Variants in CHD9 observed in about 807,000 individuals in gnomAD.
CHD9 encodes the protein chromodomain helicase DNA binding protein 9, also known as ATP-dependent chromatin remodeler CHD9.
A neutral mutation model predicts 316.1 loss-of-function variants in CHD9; 77 were observed. The observed-to-expected ratio is 0.24, with a 90% CI of 0.20 to 0.29. CHD9 has a LOEUF of 0.29. CHD9 is among the 10% of genes least tolerant of loss of function. The pLI is 1.00. For missense variants in CHD9, 2,763 were observed against 3,438.1 expected (o/e 0.80, Z 4.91); for synonymous variants, 1,129 against 1,158.3 (o/e 0.97, Z 0.51).
At chr16:53,132,793 CTTTTTTTT>C (rs748626858) in intron 1 of CHD9, among the ~76,000 whole-genome samples, 1 of 68,478 alleles carries the variant, frequency 1.5e-5, no homozygotes, top group Non-Finnish European at 3.0e-5. Context: ...TCTAATTCTG[CTTTTTTTT>C]TTTTTTTTTT....
intron 24 of CHD9, among the ~76,000 whole-genome samples, chr16:53,281,213 C>G (rs2053383352): frequency 6.6e-6 from 1 of 152,170 alleles, no homozygotes; most frequent in Non-Finnish European, 1.5e-5. Flanking sequence ...CCCAACATTT[C>G]CACTTAAATG....
At chr16:53,107,459 C>CAAAATAAAATAAAAT (rs56705665) in intron 1 of CHD9, among the ~76,000 whole-genome samples, 2,614 of 129,786 alleles carry the variant, frequency 0.02, 82 homozygotes, top group African/African-American at 0.066. Flanking sequence ...CACTCCATCT[C>CAAAATAAAATAAAAT]AAAATAAAAT....
intron 2 of CHD9, among the ~76,000 whole-genome samples, chr16:53,206,035 C>T (rs973296949): frequency 2.0e-5 from 3 of 152,034 alleles, no homozygotes; most frequent in Non-Finnish European, 4.4e-5. Context: ...TCACCACAAC[C>T]TCCGCCTCCC....
At chr16:53,232,767 T>A (rs2048288905) in intron 10 of CHD9, among the ~76,000 whole-genome samples, 1 of 151,264 alleles carries the variant, frequency 6.6e-6, no homozygotes, top group Non-Finnish European at 1.5e-5. Context: ...ATTTTAATGT[T>A]CATTGGCTAT....
intron 3 of CHD9, among the ~76,000 whole-genome samples, chr16:53,217,452 C>A (rs1311767874): frequency 6.6e-6 from 1 of 152,114 alleles, no homozygotes; most frequent in Non-Finnish European, 1.5e-5. Context: ...TGGGGTTTCG[C>A]CATGTTGGCC....
intron 15 of CHD9, among the ~76,000 whole-genome samples, chr16:53,246,659 C>T (rs2049650533): frequency 6.6e-6 from 1 of 151,942 alleles, no homozygotes; most frequent in Non-Finnish European, 1.5e-5. Flanking sequence ...TAGAACTAGG[C>T]ATATGCACCA....
chr16:53,079,714 A>G (rs2034853787), intron 1 of CHD9, among the ~76,000 whole-genome samples: 1 of 152,062 alleles, frequency 6.6e-6, no homozygotes, highest in Non-Finnish European at 1.5e-5. Flanking sequence ...TGGGGGTGCA[A>G]TGCTGGAGAC....
At position 53,291,595 on chromosome 16, in the gene CHD9, T is replaced by C. The variant is rs537725770; in HGVS notation, c.5248-130T>C. On this transcript the variant is annotated intron_variant, in intron 27 of 38. Coordinates refer to ENST00000447540, the MANE Select transcript of CHD9 (RefSeq NM_001308319.2). ...AAGCAGTTGAAAGTTTTATTTTTGC[T>C]AAATTAATTATTTAACATTCCATTG... 6.8e-6 allele frequency: 4 copies of C among 586,278 alleles called. No individual in the cohort carries two copies. The South Asian group carries it at 7.6e-5, about 11-fold the overall frequency. The allele number at this position is 586,278 out of a possible 1,614,324, so 36.3% of individuals were successfully genotyped here.
chr16:53,148,990 T>C (rs1209804190), intron 1 of CHD9, among the ~76,000 whole-genome samples: 1 of 152,256 alleles, frequency 6.6e-6, no homozygotes, highest in Non-Finnish European at 1.5e-5. Context: ...TTGCGTATTT[T>C]CTAATTTTCC....
At chr16:53,056,480 A>G (rs1016798896) in intron 1 of CHD9, among the ~76,000 whole-genome samples, 1 of 152,234 alleles carries the variant, frequency 6.6e-6, no homozygotes, top group Admixed American at 6.5e-5. Flanking sequence ...TAGCCAAGGA[A>G]ACTGAGGCTC....
At chr16:53,308,600 T>A in intron 33 of CHD9, 86 bp from the exon 34 acceptor site, 1 of 893,096 alleles carries the variant, frequency 1.1e-6, no homozygotes, top group South Asian at 1.5e-5. Context: ...CTTCATTTTT[T>A]TTCCTCAGTA....
intron 1 of CHD9, among the ~76,000 whole-genome samples, chr16:53,072,170 G>A (rs962979302): frequency 3.3e-5 from 5 of 151,892 alleles, no homozygotes; most frequent in Non-Finnish European, 7.4e-5. Context: ...ATCCCCAGCC[G>A]GAAGCCCCCC....
In CHD9 at chr16:53,156,240, G is replaced by T. The variant is rs766181206; in HGVS notation, c.151G>T (p.Asp51Tyr). 6.2e-6 allele frequency: 10 copies of T among 1,613,864 alleles called. No individual in the cohort carries two copies. The highest frequency in any genetic ancestry group is 8.5e-6 in the Non-Finnish European group (10 of 1,179,902). Residue 51 changes from aspartate (D) to tyrosine (Y), a missense_variant, in exon 2 of 39, where the codon GAT becomes TAT. Asp to Tyr is a radical substitution (Grantham distance 160). This residue lies in a region of CHD9 where 859 missense variants were observed against 890.4 expected (regional missense o/e 0.96). Coordinates refer to ENST00000447540, the MANE Select transcript of CHD9 (RefSeq NM_001308319.2). ...LGAEFEPLHI[D>Y]SLNHVQGTPT... ...TGCAGAATTTGAACCGTTGCACATAGATTCACTGAACCATGTTCAAGGTAC... is the reference window on the plus strand; with the variant it reads ...TGCAGAATTTGAACCGTTGCACATATATTCACTGAACCATGTTCAAGGTAC...
In CHD9 at chr16:53,304,384, G is replaced by T; in HGVS notation, c.6378G>T (p.Arg2126Ser). The change falls in exon 31 of 39, where the codon AGG (arginine) becomes AGT (serine). Residue 2126 changes from arginine to serine, a missense_variant. Coordinates refer to ENST00000447540, the MANE Select transcript of CHD9 (RefSeq NM_001308319.2). ...CTAAGAAACCAAGAGTCCACAAAAG[G>T]GGATCAGAATCTAGTTCTGATTCTG... ...PASKKPRVHK[R>S]GSESSSDSDS... 1 of 1,612,942 alleles carries T rather than the reference G, an allele frequency of 6.2e-7. No individual in the cohort carries two copies. The highest frequency in any genetic ancestry group is 8.5e-7 in the Non-Finnish European group (1 of 1,179,570).
chr16:53,080,327 CT>C (rs2034910675), intron 1 of CHD9, among the ~76,000 whole-genome samples: 1 of 152,126 alleles, frequency 6.6e-6, no homozygotes, highest in Non-Finnish European at 1.5e-5. Flanking sequence ...ACATGGATAA[CT>C]GAGAGGCATA....
At chr16:53,289,283 G>A (rs986676907) in intron 27 of CHD9, among the ~76,000 whole-genome samples, 1 of 152,128 alleles carries the variant, frequency 6.6e-6, no homozygotes, top group Non-Finnish European at 1.5e-5. Flanking sequence ...GCTGAGGGCA[G>A]TGTGGCTCAC....
intron 1 of CHD9, among the ~76,000 whole-genome samples, chr16:53,120,538 G>C (rs1039759192): frequency 6.6e-5 from 10 of 152,042 alleles, no homozygotes; most frequent in Non-Finnish European, 1.2e-4. Flanking sequence ...GCTTGAAACC[G>C]GGAGGCGGAG....
chr16:53,102,540 C>G (rs2036969759), intron 1 of CHD9, among the ~76,000 whole-genome samples: 4 of 152,028 alleles, frequency 2.6e-5, no homozygotes. Flanking sequence ...ACTCTATACC[C>G]ACAATAAATA....
chr16:53,180,031 T>G (rs1183089996), intron 2 of CHD9, among the ~76,000 whole-genome samples: 1 of 149,524 alleles, frequency 6.7e-6, no homozygotes, highest in African/African-American at 2.4e-5. Context: ...TTACCTTCTT[T>G]TTTTTTTTTT....
Sources: allele counts gnomAD v4.1 joint callset (sites outside exome capture counted in the v4.1 genomes callset), GRCh38; gene constraint gnomAD v4.1.1; regional missense constraint gnomAD v4.1.1; transcripts MANE v1.5; gene names NCBI Gene and HGNC (gene_info 2026-07-23, HGNC 2026-07-21).